Variants in KCNQ4 observed in about 807,000 individuals in gnomAD.
KCNQ4 encodes potassium voltage-gated channel subfamily Q member 4, also known as potassium voltage-gated channel subfamily KQT member 4.
In KCNQ4, 31 loss-of-function variants were observed where a neutral mutation model predicts 72.6. That is an observed-to-expected ratio of 0.43 (90% CI 0.32 to 0.58). The LOEUF (loss-of-function observed/expected upper bound fraction) is 0.58, where lower values mean the gene tolerates loss of function less well. KCNQ4 is among the 20% of genes least tolerant of loss of function. The probability of loss-of-function intolerance (pLI) is 0.08; values close to 1 mark genes in which losing one functional copy is unlikely to be tolerated. For synonymous variants in KCNQ4, 405 were observed against 403.7 expected (o/e 1.00, Z -0.04); for missense variants, 869 against 962.6 (o/e 0.90, Z 1.29).
At chr1:40,835,950 C>T (rs1558034780) in intron 12 of KCNQ4, among the ~76,000 whole-genome samples, 1 of 151,866 alleles carries the variant, frequency 6.6e-6, no homozygotes, top group Admixed American at 6.5e-5. Flanking sequence ...GCTAACGGCA[C>T]TCAGAGAGTG....
chr1:40,812,857 T>C (rs181407405), intron 1 of KCNQ4, among the ~76,000 whole-genome samples: 51 of 152,342 alleles, frequency 3.3e-4, no homozygotes, highest in Non-Finnish European at 4.9e-4. Context: ...GAACTCCTGC[T>C]ATTCATTTAC....
chr1:40,787,897 C>T (rs977678890), intron 1 of KCNQ4, among the ~76,000 whole-genome samples: 1 of 152,200 alleles, frequency 6.6e-6, no homozygotes, highest in Non-Finnish European at 1.5e-5. Context: ...CTGAGCAAGA[C>T]CCTATCTCCC....
intron 11 of KCNQ4, 117 bp downstream of exon 11, chr1:40,833,230 G>A (rs1648706990): frequency 2.8e-6 from 2 of 712,114 alleles, no homozygotes; most frequent in Admixed American, 2.1e-5. Flanking sequence ...CCAACATGGT[G>A]AAACCCCGTC....
intron 1 of KCNQ4, among the ~76,000 whole-genome samples, chr1:40,814,895 T>A (rs953898760): frequency 2.6e-5 from 4 of 152,058 alleles, no homozygotes; most frequent in East Asian, 3.9e-4. Context: ...CCTTTTTTTT[T>A]AAATTGTGAA....
At position 40,838,272 on chromosome 1, in the gene KCNQ4, G is replaced by A. The variant is rs201681109; in HGVS notation, c.1876-39G>A. On this transcript the variant is annotated intron_variant, in intron 13 of 13. Coordinates refer to ENST00000347132, the MANE Select transcript of KCNQ4 (RefSeq NM_004700.4). The stretch of plus-strand genomic sequence containing the variant: ...CCCCGCCCCCGGCCGCGTCCCCTCC[G>A]GTCCCAGGCCCTGCTTCCCAGCTGC... 1.8e-5 allele frequency: 28 copies of A among 1,588,138 alleles called. No individual in the cohort carries two copies. The African/African-American group carries it at 2.8e-4, about 16-fold the overall frequency.
Position 40,794,913 on chromosome 1 carries a change from G to A in KCNQ4, c.314+10506G>A, listed in dbSNP as rs1405796514. On this transcript the variant is annotated intron_variant, in intron 1 of 13. Coordinates refer to ENST00000347132, the MANE Select transcript of KCNQ4 (RefSeq NM_004700.4). This position sits in a 1 kb window ranked among gnomAD's most constrained non-coding sequence, Gnocchi z 4.2. ...GGGATCAGGGGACAGAGGAGCCTCA[G>A]GTCCCGCACTTTGCAGTGAGGACCA... Among the ~76,000 whole-genome samples the A allele has an allele frequency of 7.1e-6, 1 of 141,090 alleles. No homozygotes were observed. The highest frequency in any genetic ancestry group is 1.5e-5 in the Non-Finnish European group (1 of 64,792). The allele number at this position is 141,090 out of a possible 152,430, so 92.6% of individuals were successfully genotyped here.
At chr1:40,814,046 C>CTTTTTTTTTTTTTTTTTTTTTTTTTT (rs35243800) in intron 1 of KCNQ4, among the ~76,000 whole-genome samples, 3 of 52,706 alleles carry the variant, frequency 5.7e-5, no homozygotes, top group African/African-American at 8.0e-5. Flanking sequence ...TGCGCCCGGC[C>CTTTTTTTTTTTTTTTTTTTTTTTTTT]TTTTTTTTTT....
intron 11 of KCNQ4, among the ~76,000 whole-genome samples, chr1:40,833,721 G>T (rs537952631): frequency 6.6e-6 from 1 of 151,358 alleles, no homozygotes; most frequent in African/African-American, 2.4e-5. Flanking sequence ...GTCAGGCTGG[G>T]CGTGGTGGCT....
At chr1:40,821,241 G>A (rs1570834261) in intron 7 of KCNQ4, among the ~76,000 whole-genome samples, 1 of 152,192 alleles carries the variant, frequency 6.6e-6, no homozygotes, top group East Asian at 1.9e-4. Flanking sequence ...TAATGAGACA[G>A]CTCTGGCAGC....
chr1:40,786,744 A>C (rs1256367031), intron 1 of KCNQ4, among the ~76,000 whole-genome samples: 1 of 151,942 alleles, frequency 6.6e-6, no homozygotes, highest in Non-Finnish European at 1.5e-5. Flanking sequence ...CTCTTGGATG[A>C]GGTAATAGAG....
chr1:40,822,489 G>GGAAAGGGGGTGATGGCTCCCAGGGTGCT, intron 8 of KCNQ4, 87 bp downstream of exon 8: 1 of 1,120,156 alleles, frequency 8.9e-7, no homozygotes, highest in Non-Finnish European at 1.3e-6. Flanking sequence ...CCTGGAGGGT[G>GGAAAGGGGGTGATGGCTCCCAGGGTGCT]GAAAGGGGGT....
In KCNQ4 at chr1:40,794,264, C is replaced by T. The variant is rs1384547150; in HGVS notation, c.314+9857C>T. On this transcript the variant is annotated intron_variant, in intron 1 of 13. Coordinates refer to ENST00000347132, the MANE Select transcript of KCNQ4 (RefSeq NM_004700.4). This position sits in a 1 kb window ranked among gnomAD's most constrained non-coding sequence, Gnocchi z 4.2. ...TGATTGACAGGCTGTGGAGGTGGGCCTTACCCTGTGGGCAGTGGGGAGCCA... is the reference window on the plus strand; with the variant it reads ...TGATTGACAGGCTGTGGAGGTGGGCTTTACCCTGTGGGCAGTGGGGAGCCA... Among the ~76,000 whole-genome samples the T allele has an allele frequency of 6.6e-6, 1 of 152,184 alleles. No individual in the cohort carries two copies. Among genetic ancestry groups the T allele is most frequent in the East Asian group, 1.9e-4 (1 of 5,204 alleles).
At chr1:40,813,223 G>T (rs941362870) in intron 1 of KCNQ4, among the ~76,000 whole-genome samples, 50 of 152,200 alleles carry the variant, frequency 3.3e-4, no homozygotes, top group Non-Finnish European at 5.6e-4. Flanking sequence ...CTCTAAGTGC[G>T]ATGGAAGTCC....
chr1:40,818,575 C>G lies in KCNQ4; in HGVS notation c.603C>G (p.Ser201=). 4 of 1,605,348 alleles carry G rather than the reference C, an allele frequency of 2.5e-6. No individual in the cohort carries two copies. The highest frequency in any genetic ancestry group is 3.4e-6 in the Non-Finnish European group (4 of 1,179,830). ...AGTQGNIFAT[S]ALRSMRFLQI... Reference sequence around the variant, plus strand: ...CCCAGGGCAACATCTTCGCCACGTCCGCGCTGCGCAGCATGCGCTTCCTGC... The same window carrying G: ...CCCAGGGCAACATCTTCGCCACGTCGGCGCTGCGCAGCATGCGCTTCCTGC... The change falls in exon 4 of 14, where the codon TCC becomes TCG. Residue 201 remains serine (S), a synonymous_variant. Coordinates refer to ENST00000347132, the MANE Select transcript of KCNQ4 (RefSeq NM_004700.4).
chr1:40,838,701 T>C lies in KCNQ4; in HGVS notation c.*178T>C. The C allele has an allele frequency of 1.5e-6, 1 of 662,110 alleles. No homozygotes were observed. The highest frequency in any genetic ancestry group is 2.7e-6 in the Non-Finnish European group (1 of 371,298). The allele number at this position is 662,110 out of a possible 1,614,324, so 41.0% of individuals were successfully genotyped here. A position where few individuals can be genotyped will look rare whatever the true frequency, so the allele number is the denominator to read the frequency against. On this transcript the variant is annotated 3_prime_UTR_variant, in exon 14 of 14. Transcript: ENST00000347132. The stretch of plus-strand genomic sequence containing the variant: ...TACCTGCTGTGGGTGCCAGCGCCCC[T>C]TCCCCACCTCAGGAGCGTGAGATGC...
intron 1 of KCNQ4, among the ~76,000 whole-genome samples, chr1:40,802,840 C>T (rs548970332): frequency 1.3e-5 from 2 of 152,334 alleles, no homozygotes; most frequent in South Asian, 2.1e-4. Context: ...GATCATTGGT[C>T]CCATTAGAAA....
At chr1:40,800,049 C>T (rs1471826642) in intron 1 of KCNQ4, among the ~76,000 whole-genome samples, 2 of 152,192 alleles carry the variant, frequency 1.3e-5, no homozygotes, top group Non-Finnish European at 2.9e-5. Flanking sequence ...TGCTCTAGAA[C>T]ACATTCCAGG....
chr1:40,826,677 C>T (rs1009220396), intron 9 of KCNQ4: 10 of 455,784 alleles, frequency 2.2e-5, no homozygotes, highest in South Asian at 3.1e-5. Context: ...TTCGGATCCA[C>T]GCCAGCTGGA....
chr1:40,800,264 G>T (rs115998945), intron 1 of KCNQ4, among the ~76,000 whole-genome samples: 3 of 152,084 alleles, frequency 2.0e-5, no homozygotes, highest in Non-Finnish European at 4.4e-5. Context: ...TGTGGGAAGA[G>T]AATCTGAGGA....
Sources: allele counts gnomAD v4.1 joint callset (sites outside exome capture counted in the v4.1 genomes callset), GRCh38; gene constraint gnomAD v4.1.1; non-coding constraint Gnocchi (gnomAD v3.1); transcripts MANE v1.5; gene names NCBI Gene and HGNC (gene_info 2026-07-23, HGNC 2026-07-21).